Variants in CD276 observed in about 807,000 individuals in gnomAD.
CD276 encodes CD276 molecule, also known as CD276 antigen.
A neutral mutation model predicts 50.0 loss-of-function variants in CD276; 34 were observed. That is an observed-to-expected ratio of 0.68 (90% CI 0.52 to 0.91). The LOEUF is 0.91. CD276 is among the 40% of genes least tolerant of loss of function. The pLI is 0.00. For missense variants in CD276, 634 were observed against 717.5 expected (o/e 0.88, Z 1.33); for synonymous variants, 275 against 313.0 (o/e 0.88, Z 1.28).
At chr15:73,691,441 C>T (rs1183523278) in intron 1 of CD276, among the ~76,000 whole-genome samples, 2 of 152,192 alleles carry the variant, frequency 1.3e-5, no homozygotes, top group African/African-American at 2.4e-5. Flanking sequence ...GTAATCTCAA[C>T]AAGAAAGAGT....
chr15:73,712,092 T>C (rs568758101), intron 9 of CD276: 1 of 143,924 alleles, frequency 6.9e-6, no homozygotes, highest in South Asian at 2.2e-4. Flanking sequence ...GAGGCAGAGG[T>C]TGCAGTGAAC....
At chr15:73,694,729 C>T (rs1376756428) in intron 1 of CD276, among the ~76,000 whole-genome samples, 1 of 152,156 alleles carries the variant, frequency 6.6e-6, no homozygotes, top group African/African-American at 2.4e-5. Flanking sequence ...CAGGGCATGA[C>T]CCAGAAGCTG....
Position 73,713,610 on chromosome 15 carries a change from A to G in CD276, c.*654A>G, listed in dbSNP as rs904899791. 1 of 331,002 alleles carries G rather than the reference A, an allele frequency of 3.0e-6. No homozygotes were observed. The highest frequency in any genetic ancestry group is 2.7e-5 in the African/African-American group (1 of 36,616). The allele number at this position is 331,002 out of a possible 1,614,324, so 20.5% of individuals were successfully genotyped here. A position where few individuals can be genotyped will look rare whatever the true frequency, so the allele number is the denominator to read the frequency against. On this transcript the variant is annotated 3_prime_UTR_variant, in exon 10 of 10. Transcript: ENST00000318443. ...AGTGAAGACAGGGCACTCTGCGCCC[A>G]CCACATGCACAGCTGTGCATGGAGA...
chr15:73,709,568 G>A, intron 7 of CD276, 80 bp from the exon 8 acceptor site: 1 of 1,419,646 alleles, frequency 7.0e-7, no homozygotes, highest in Non-Finnish European at 9.9e-7. Flanking sequence ...CCAGCTTCCT[G>A]CACTCTCAGG....
chr15:73,701,526 C>T (rs1900387817), intron 2 of CD276, among the ~76,000 whole-genome samples: 1 of 152,240 alleles, frequency 6.6e-6, no homozygotes, highest in South Asian at 2.1e-4. Context: ...ACTGGACGCT[C>T]CCCGATATTT....
chr15:73,688,873 G>A (rs996633160), intron 1 of CD276, among the ~76,000 whole-genome samples: 1 of 152,114 alleles, frequency 6.6e-6, no homozygotes, highest in Non-Finnish European at 1.5e-5. Flanking sequence ...TTGGAGGCAA[G>A]GAGGCATTTA....
rs566550688 is a variant in CD276, at chr15:73,713,099, C to T, written c.*143C>T. On this transcript the variant is annotated 3_prime_UTR_variant, in exon 10 of 10. Coordinates refer to ENST00000318443, the MANE Select transcript of CD276 (RefSeq NM_001024736.2). The stretch of plus-strand genomic sequence containing the variant: ...TCTCCAAAGGATGCGATACACAGAC[C>T]ACTGTGCAGCCTTATTTCTCCAATG... The T allele has an allele frequency of 1.1e-5, 7 of 653,606 alleles. No homozygotes were observed. The South Asian group carries it at 1.1e-4, about 10-fold the overall frequency. The allele number at this position is 653,606 out of a possible 1,614,324, so 40.5% of individuals were successfully genotyped here. A position where few individuals can be genotyped will look rare whatever the true frequency, so the allele number is the denominator to read the frequency against.
intron 1 of CD276, among the ~76,000 whole-genome samples, chr15:73,695,976 TG>T (rs1405068408): frequency 6.6e-6 from 1 of 152,184 alleles, no homozygotes; most frequent in African/African-American, 2.4e-5. Flanking sequence ...TGAGCCCAGG[TG>T]CAGTCTGGAT....
At position 73,703,728 on chromosome 15, in the gene CD276, G is replaced by A; in HGVS notation, c.803G>A (p.Cys268Tyr). The change falls in exon 5 of 10, where the codon TGC (cysteine) becomes TAC (tyrosine). Residue 268 changes from cysteine to tyrosine, a missense_variant. Coordinates refer to ENST00000318443, the MANE Select transcript of CD276 (RefSeq NM_001024736.2). ...ALVGTDATLR[C>Y]SFSPEPGFSL... ...GTGGGCACCGATGCCACCCTGCGCT[G>A]CTCCTTCTCCCCCGAGCCTGGCTTC... 1 of 1,613,378 alleles carries A rather than the reference G, an allele frequency of 6.2e-7. No homozygotes were observed. The highest frequency in any genetic ancestry group is 8.5e-7 in the Non-Finnish European group (1 of 1,179,986).
intron 7 of CD276, among the ~76,000 whole-genome samples, chr15:73,709,215 T>C (rs1335604802): frequency 6.8e-6 from 1 of 146,718 alleles, no homozygotes; most frequent in African/African-American, 2.5e-5. Context: ...GGTGAGGTGA[T>C]GGGTGGGTGG....
chr15:73,711,130 T>C lies in CD276; in HGVS notation c.1547-5T>C, dbSNP rs770337086. The C allele has an allele frequency of 3.1e-6, 5 of 1,614,070 alleles. No individual in the cohort carries two copies. Among genetic ancestry groups the C allele is most frequent in the East Asian group, 2.2e-5 (1 of 44,874 alleles). On this transcript the variant is annotated splice_polypyrimidine_tract_variant and splice_region_variant and intron_variant, in intron 8 of 9. Coordinates refer to ENST00000318443, the MANE Select transcript of CD276 (RefSeq NM_001024736.2). Reference sequence around the variant, plus strand: ...CTCACCGTGTGCGCCTTCCTTTTTTTACAGCCCTGCAGCCTCTGAAACACT... The same window carrying C: ...CTCACCGTGTGCGCCTTCCTTTTTTCACAGCCCTGCAGCCTCTGAAACACT...
At chr15:73,705,454 G>A (rs541742607) in intron 6 of CD276, among the ~76,000 whole-genome samples, 118 of 152,028 alleles carry the variant, frequency 7.8e-4, no homozygotes, top group African/African-American at 2.7e-3. Flanking sequence ...CCGTCACATC[G>A]TCTGCTTGGA....
chr15:73,710,725 TGAG>T (rs1279788469), intron 8 of CD276, among the ~76,000 whole-genome samples: 1 of 151,664 alleles, frequency 6.6e-6, no homozygotes, highest in Non-Finnish European at 1.5e-5. Context: ...AGGGAGGGAG[TGAG>T]GAGAAGAGTG....
chr15:73,689,104 A>G (rs932577569), intron 1 of CD276, among the ~76,000 whole-genome samples: 13 of 150,440 alleles, frequency 8.6e-5, no homozygotes, highest in African/African-American at 3.2e-4. Flanking sequence ...TCCTCTCCCT[A>G]TTCTCCTTGT....
In CD276 at chr15:73,687,204, T is replaced by C. The variant is rs1187964705; in HGVS notation, c.-55+2744T>C. Among the ~76,000 whole-genome samples the C allele has an allele frequency of 6.6e-6, 1 of 152,044 alleles. No homozygotes were observed. The highest frequency in any genetic ancestry group is 6.5e-5 in the Admixed American group (1 of 15,276). The stretch of plus-strand genomic sequence containing the variant: ...CCTTGCAGTGTGCCAGATAGGAGCA[T>C]TGGGTTTTCAGGTTTGGGAGTGGGT... On this transcript the variant is annotated intron_variant, in intron 1 of 9. Transcript: ENST00000318443. This position sits in a 1 kb window ranked among gnomAD's most constrained non-coding sequence, Gnocchi z 4.0.
chr15:73,699,011 T>C (rs1312395525), intron 1 of CD276, among the ~76,000 whole-genome samples: 1 of 152,200 alleles, frequency 6.6e-6, no homozygotes, highest in Non-Finnish European at 1.5e-5. Context: ...AAACCCAAAT[T>C]CCTCACTGGT....
intron 6 of CD276, among the ~76,000 whole-genome samples, chr15:73,706,963 G>GT (rs11421021): frequency 0.19 from 28,672 of 152,096 alleles, 3,963 homozygotes; most frequent in African/African-American, 0.39. Flanking sequence ...GGTGGTTATT[G>GT]TTTTTTAATG....
chr15:73,711,059 C>A, intron 8 of CD276, 76 bp from the exon 9 acceptor site: 1 of 1,503,876 alleles, frequency 6.6e-7, no homozygotes, highest in Non-Finnish European at 9.2e-7. Flanking sequence ...GCCCTCACTC[C>A]TCCCTCTGCC....
intron 6 of CD276, among the ~76,000 whole-genome samples, chr15:73,708,072 C>T (rs1458703306): frequency 6.6e-6 from 1 of 152,216 alleles, no homozygotes. Flanking sequence ...TCTAAAGTCA[C>T]TAGGGAGCCA....
Sources: gnomAD v4.1 joint callset for allele counts (sites outside exome capture counted in the v4.1 genomes callset) on GRCh38, gnomAD v4.1.1 for gene constraint, Gnocchi (gnomAD v3.1) non-coding constraint, MANE v1.5 for transcripts, NCBI Gene and HGNC (gene_info 2026-07-23, HGNC 2026-07-21) for gene names.